ODF2L: variants seen among roughly 807,000 people sequenced by gnomAD.
ODF2L encodes protein BCAP.
A neutral mutation model predicts 86.3 loss-of-function variants in ODF2L; 76 were observed. The ratio of observed to expected loss-of-function variants is 0.88; its 90% CI spans 0.73 to 1.07. ODF2L has a LOEUF of 1.07. ODF2L is among the 50% of genes least tolerant of loss of function. The pLI is 0.00. For synonymous variants in ODF2L, 241 were observed against 231.3 expected (o/e 1.04, Z -0.38); for missense variants, 748 against 717.4 (o/e 1.04, Z -0.49).
chr1:86,369,549 T>C (rs1388511950), intron 10 of ODF2L, among the ~76,000 whole-genome samples: 1 of 152,158 alleles, frequency 6.6e-6, no homozygotes, highest in Non-Finnish European at 1.5e-5. Flanking sequence ...CTTTGTCCCA[T>C]TGGTCTAAAG....
At chr1:86,372,368 A>AC in intron 9 of ODF2L, 63 bp downstream of exon 9, 1 of 762,856 alleles carries the variant, frequency 1.3e-6, no homozygotes, top group South Asian at 3.2e-5. Flanking sequence ...CAAACAACTC[A>AC]AAGAATTTTT....
chr1:86,370,730 T>C (rs945715267), intron 10 of ODF2L, among the ~76,000 whole-genome samples: 1 of 152,160 alleles, frequency 6.6e-6, no homozygotes, highest in African/African-American at 2.4e-5. Context: ...TATATCCTAT[T>C]GTAACCATGA....
chr1:86,368,618 G>C, intron 11 of ODF2L: 1 of 1,387,968 alleles, frequency 7.2e-7, no homozygotes, highest in Non-Finnish European at 9.5e-7. Context: ...ACTAATGGCA[G>C]TATGAGTAAT....
At chr1:86,389,814 A>C (rs1232693223) in intron 1 of ODF2L, among the ~76,000 whole-genome samples, 1 of 152,184 alleles carries the variant, frequency 6.6e-6, no homozygotes, top group African/African-American at 2.4e-5. Flanking sequence ...TCCTGGATAC[A>C]ACCCTCCTAG....
intron 6 of ODF2L, 72 bp downstream of exon 6, chr1:86,382,855 TGGGG>T: frequency 2.7e-6 from 2 of 753,344 alleles, no homozygotes; most frequent in Non-Finnish European, 4.7e-6. Context: ...TCTGAGGAGT[TGGGG>T]CCAGGATGGG....
chr1:86,380,405 A>G (rs904382290), intron 7 of ODF2L, among the ~76,000 whole-genome samples: 3 of 152,174 alleles, frequency 2.0e-5, no homozygotes, highest in Non-Finnish European at 4.4e-5. Flanking sequence ...GTAAGTCGAC[A>G]TAAGACAAAG....
chr1:86,374,532 TTAA>T, intron 8 of ODF2L, among the ~76,000 whole-genome samples: 1 of 152,136 alleles, frequency 6.6e-6, no homozygotes, highest in East Asian at 1.9e-4. Flanking sequence ...AGGAAATGGG[TTAA>T]TTCTTCAGTG....
At chr1:86,359,384 C>G (rs1429444067) in intron 12 of ODF2L, among the ~76,000 whole-genome samples, 2 of 152,166 alleles carry the variant, frequency 1.3e-5, no homozygotes, top group Non-Finnish European at 2.9e-5. Context: ...AACCTCCATT[C>G]CTACCTCAGA....
At chr1:86,383,703 C>A (rs755947559) in intron 4 of ODF2L, among the ~76,000 whole-genome samples, 50 of 151,602 alleles carry the variant, frequency 3.3e-4, no homozygotes, top group Non-Finnish European at 6.9e-4. Context: ...ATTCTTTTCA[C>A]CCAAAACCAC....
chr1:86,385,341 TTTTTGGTATG>T, intron 3 of ODF2L, 107 bp downstream of exon 3: 1 of 586,064 alleles, frequency 1.7e-6, no homozygotes, highest in Non-Finnish European at 2.9e-6. Flanking sequence ...TAAACCCTCA[TTTTTGGTATG>T]AAATACTCAT....
At chr1:86,393,106 T>C (rs1267761359) in intron 1 of ODF2L, among the ~76,000 whole-genome samples, 3 of 152,168 alleles carry the variant, frequency 2.0e-5, no homozygotes, top group Non-Finnish European at 4.4e-5. Context: ...TGACCTTCCT[T>C]AACACCTAGA....
At chr1:86,365,983 G>A (rs1370935816) in intron 11 of ODF2L, among the ~76,000 whole-genome samples, 2 of 152,160 alleles carry the variant, frequency 1.3e-5, no homozygotes, top group Non-Finnish European at 2.9e-5. Context: ...TGAATGAACT[G>A]TTTGGGAATA....
At chr1:86,394,498 G>T (rs932409175) in intron 1 of ODF2L, among the ~76,000 whole-genome samples, 1 of 151,532 alleles carries the variant, frequency 6.6e-6, no homozygotes, top group South Asian at 2.1e-4. Context: ...CCTTTATTCA[G>T]TCAGGTTTTA....
chr1:86,367,888 G>A (rs1486936898), intron 11 of ODF2L, among the ~76,000 whole-genome samples: 1 of 152,166 alleles, frequency 6.6e-6, no homozygotes, highest in East Asian at 1.9e-4. Flanking sequence ...TCTGTCCTAT[G>A]TTTCACATTT....
intron 15 of ODF2L, 32 bp from the exon 15 acceptor site, chr1:86,354,724 T>C (rs190415173): frequency 2.6e-6 from 4 of 1,562,542 alleles, no homozygotes; most frequent in Non-Finnish European, 2.6e-6. Context: ...TTTAAAATGT[T>C]AATGTGCAGA....
intron 7 of ODF2L, among the ~76,000 whole-genome samples, chr1:86,381,382 G>C (rs1344605085): frequency 6.6e-6 from 1 of 151,962 alleles, no homozygotes; most frequent in East Asian, 1.9e-4. Context: ...CAGTGCCCTA[G>C]CATACAAAAT....
intron 7 of ODF2L, among the ~76,000 whole-genome samples, chr1:86,379,897 T>C (rs1660445514): frequency 6.6e-6 from 1 of 152,186 alleles, no homozygotes; most frequent in South Asian, 2.1e-4. Flanking sequence ...GGCATACCTC[T>C]TGGTGACATG....
chr1:86,377,163 A>C (rs1024519500), intron 7 of ODF2L, among the ~76,000 whole-genome samples: 4 of 152,252 alleles, frequency 2.6e-5, no homozygotes, highest in Non-Finnish European at 4.4e-5. Context: ...TACAGGACCC[A>C]TGCAAGTCCA....
chr1:86,387,357 A>G (rs892641083), intron 1 of ODF2L, among the ~76,000 whole-genome samples: 2 of 152,148 alleles, frequency 1.3e-5, no homozygotes, highest in Non-Finnish European at 2.9e-5. Flanking sequence ...TTATTAGTCT[A>G]TTTCTTGAAG....
Sources: allele counts gnomAD v4.1 joint callset (sites outside exome capture counted in the v4.1 genomes callset), GRCh38; gene constraint gnomAD v4.1.1; transcripts MANE v1.5; gene names NCBI Gene and HGNC (gene_info 2026-07-23, HGNC 2026-07-21).